The following GPR107 variants were observed in gnomAD, a reference collection of about 807,000 sequenced individuals.
GPR107 encodes the protein protein GPR107.
In GPR107, 31 loss-of-function variants were observed where a neutral mutation model predicts 75.5. The observed-to-expected ratio is 0.41, with a 90% CI of 0.31 to 0.55. The LOEUF is 0.55. Ranked by LOEUF, GPR107 falls within the 20% of genes least tolerant of loss-of-function variation. The pLI is 0.26. For missense variants in GPR107, 572 were observed against 665.7 expected, an observed-to-expected ratio of 0.86 and a Z score of 1.55; for synonymous variants, 267 against 251.3, an observed-to-expected ratio of 1.06 and a Z score of -0.59.
intron 13 of GPR107, among the ~76,000 whole-genome samples, chr9:130,106,033 A>T (rs1285668280): frequency 6.6e-6 from 1 of 152,164 alleles, no homozygotes; most frequent in Non-Finnish European, 1.5e-5. Flanking sequence ...CGGGTATCTA[A>T]CATAGGATGT....
intron 10 of GPR107, 84 bp downstream of exon 10, chr9:130,099,616 A>G: frequency 1.3e-6 from 1 of 780,798 alleles, no homozygotes; most frequent in South Asian, 1.5e-5. Context: ...AAGAAAGGGG[A>G]TAGATTGGTG....
intron 1 of GPR107, among the ~76,000 whole-genome samples, chr9:130,071,035 C>CTTT (rs56799662): frequency 0.096 from 9,458 of 98,084 alleles, 1,104 homozygotes; most frequent in South Asian, 0.17. Context: ...TTTTTTTTTT[C>CTTT]TTTTTTTTTT....
At chr9:130,108,324 G>A (rs1302704278) in intron 14 of GPR107, among the ~76,000 whole-genome samples, 1 of 152,190 alleles carries the variant, frequency 6.6e-6, no homozygotes, top group Non-Finnish European at 1.5e-5. Flanking sequence ...TGTTAATAAA[G>A]TTTTGTTGCT....
chr9:130,095,993 A>C (rs1680484405), intron 9 of GPR107, among the ~76,000 whole-genome samples: 1 of 151,982 alleles, frequency 6.6e-6, no homozygotes, highest in Non-Finnish European at 1.5e-5. Context: ...CACCCAACAG[A>C]CCTGGGACTG....
chr9:130,086,767 C>T (rs1830624154), intron 7 of GPR107, among the ~76,000 whole-genome samples: 1 of 152,052 alleles, frequency 6.6e-6, no homozygotes, highest in Non-Finnish European at 1.5e-5. Flanking sequence ...ACCCCTTTGC[C>T]CCAATCCCAT....
chr9:130,084,363 A>C (rs1274289247), intron 6 of GPR107, among the ~76,000 whole-genome samples: 1 of 151,040 alleles, frequency 6.6e-6, no homozygotes, highest in Non-Finnish European at 1.5e-5. Context: ...GCGCTACTGC[A>C]CTCCAGCCTG....
rs143681997 is a variant in GPR107, at chr9:130,061,977, G to C, written c.141+7904G>C. On this transcript the variant is annotated intron_variant, in intron 1 of 17. Transcript: ENST00000347136. Reference sequence around the variant, plus strand: ...AAAGCATTAGCCAAGGCAAAATGAGGTTAGAGCTTATGTCTGGAAGAGGAA... The same window carrying C: ...AAAGCATTAGCCAAGGCAAAATGAGCTTAGAGCTTATGTCTGGAAGAGGAA... Among the ~76,000 whole-genome samples the C allele has an allele frequency of 6.1e-3, 923 of 152,026 alleles. 15 individuals are homozygous for C. The highest frequency in any genetic ancestry group is 0.021 in the African/African-American group (864 of 41,498).
intron 1 of GPR107, among the ~76,000 whole-genome samples, chr9:130,064,830 C>T (rs1830030893): frequency 6.6e-6 from 1 of 152,078 alleles, no homozygotes; most frequent in South Asian, 2.1e-4. Context: ...GAGGCAGAGC[C>T]TAGAGTGAGG....
At chr9:130,121,824 C>T (rs892086603) in intron 14 of GPR107, among the ~76,000 whole-genome samples, 1 of 152,174 alleles carries the variant, frequency 6.6e-6, no homozygotes, top group African/African-American at 2.4e-5. Context: ...CTTAGTGAAG[C>T]GAGTAGGAGT....
intron 1 of GPR107, among the ~76,000 whole-genome samples, chr9:130,055,400 C>T (rs1243241524): frequency 2.6e-5 from 4 of 151,922 alleles, no homozygotes; most frequent in Non-Finnish European, 2.9e-5. Flanking sequence ...ACCTGGGAGG[C>T]GCTTGTAGTC....
rs1486595312 is a variant in GPR107, at chr9:130,099,505, C to T, written c.912C>T (p.Thr304=). 1.2e-6 allele frequency: 2 copies of T among 1,600,662 alleles called. No homozygotes were observed. The highest frequency in any genetic ancestry group is 1.7e-5 in the Admixed American group (1 of 59,998). ...GGCTGATGGCGGCCCTTCCTTTCAC[C>T]AAGTCTCTTTCCTTGGTGTTCCATG... ...IHWLMAALPF[T]KSLSLVFHAI... Residue 304 remains threonine, a synonymous_variant, in exon 10 of 18, where the codon ACC becomes ACT. Coordinates refer to ENST00000347136, the MANE Select transcript of GPR107 (RefSeq NM_020960.5).
In GPR107 at chr9:130,083,616, A is replaced by G. The variant is rs760302649; in HGVS notation, c.564+14A>G. 6.7e-7 allele frequency: 1 copy of G among 1,495,856 alleles called. No homozygotes were observed. The highest frequency in any genetic ancestry group is 8.9e-7 in the Non-Finnish European group (1 of 1,124,196). 92.7% of individuals were successfully genotyped at this position (1,495,856 alleles called of 1,614,324 possible). On this transcript the variant is annotated intron_variant, in intron 6 of 17. Coordinates refer to ENST00000347136, the MANE Select transcript of GPR107 (RefSeq NM_020960.5). ...GTGGATTCAAAGGTAAGAACTAACCACCCTTTTGTGCTCAGCTTTTCTGGA... is the reference window on the plus strand; with the variant it reads ...GTGGATTCAAAGGTAAGAACTAACCGCCCTTTTGTGCTCAGCTTTTCTGGA...
chr9:130,057,916 C>A (rs929808123), intron 1 of GPR107, among the ~76,000 whole-genome samples: 1 of 151,814 alleles, frequency 6.6e-6, no homozygotes, highest in South Asian at 2.1e-4. Context: ...CAGCAACCTC[C>A]GCCTCCCGGT....
At chr9:130,133,189 A>AC (rs1174634718) in intron 17 of GPR107, 1 of 152,016 alleles carries the variant, frequency 6.6e-6, no homozygotes, top group Non-Finnish European at 1.5e-5. Flanking sequence ...TTCCTTGATG[A>AC]CCTAGCATGA....
chr9:130,073,953 T>C (rs912260945), intron 1 of GPR107, among the ~76,000 whole-genome samples: 1 of 152,150 alleles, frequency 6.6e-6, no homozygotes, highest in African/African-American at 2.4e-5. Context: ...AGACAGGGTT[T>C]CCCATTTTGG....
intron 6 of GPR107, among the ~76,000 whole-genome samples, chr9:130,086,014 A>G (rs1183266907): frequency 6.6e-6 from 1 of 151,902 alleles, no homozygotes; most frequent in African/African-American, 2.4e-5. Flanking sequence ...GCCTCCCAAT[A>G]TGTTGGGATT....
chr9:130,095,866 T>A (rs969041239), intron 9 of GPR107, among the ~76,000 whole-genome samples: 1 of 152,104 alleles, frequency 6.6e-6, no homozygotes, highest in East Asian at 1.9e-4. Flanking sequence ...CCACATGATA[T>A]AAAGGCATAT....
At chr9:130,122,211 A>AT (rs1456762835) in intron 14 of GPR107, among the ~76,000 whole-genome samples, 1 of 152,088 alleles carries the variant, frequency 6.6e-6, no homozygotes, top group Non-Finnish European at 1.5e-5. Flanking sequence ...CTTTTAAAGC[A>AT]TTTTTTATCA....
chr9:130,098,257 G>A (rs552731342), intron 9 of GPR107, among the ~76,000 whole-genome samples: 41 of 152,236 alleles, frequency 2.7e-4, no homozygotes, highest in African/African-American at 7.5e-4. Context: ...TTTAATGCCC[G>A]GCAGCCGAAA....
Sources: gnomAD v4.1 joint callset for allele counts (sites outside exome capture counted in the v4.1 genomes callset) on GRCh38, gnomAD v4.1.1 for gene constraint, MANE v1.5 for transcripts, NCBI Gene and HGNC (gene_info 2026-07-23, HGNC 2026-07-21) for gene names.